Variants in RUNX1 observed in about 807,000 individuals in gnomAD.
The protein encoded by RUNX1 is runt-related transcription factor 1.
In RUNX1, 19 loss-of-function variants were observed where a neutral mutation model predicts 42.8. The ratio of observed to expected loss-of-function variants is 0.44; its 90% confidence interval spans 0.31 to 0.65. The LOEUF (loss-of-function observed/expected upper bound fraction) is 0.65. Ranked by LOEUF, RUNX1 falls within the 30% of genes least tolerant of loss-of-function variation. RUNX1 has a pLI of 0.07. For missense variants in RUNX1, 528 were observed against 672.0 expected (o/e 0.79, Z 2.37); for synonymous variants, 271 against 289.4 (o/e 0.94, Z 0.64).
intron 2 of RUNX1, among the ~76,000 whole-genome samples, chr21:34,938,089 G>T (rs1267891720): frequency 6.6e-6 from 1 of 152,124 alleles, no homozygotes; most frequent in Non-Finnish European, 1.5e-5. Flanking sequence ...TGATTAATAG[G>T]AGCAATTAAT....
chr21:35,040,845 G>A (rs546627343), intron 2 of RUNX1, among the ~76,000 whole-genome samples: 5 of 151,420 alleles, frequency 3.3e-5, no homozygotes, highest in East Asian at 1.9e-4. Context: ...AATACCCTGC[G>A]GTGTGTTCAG....
At chr21:34,986,264 A>G (rs2058886965) in intron 2 of RUNX1, among the ~76,000 whole-genome samples, 1 of 151,864 alleles carries the variant, frequency 6.6e-6, no homozygotes, top group African/African-American at 2.4e-5. Flanking sequence ...CTTTCCATCA[A>G]ATCACACTGG....
chr21:34,835,242 C>T (rs546010506), intron 6 of RUNX1, among the ~76,000 whole-genome samples: 70 of 152,274 alleles, frequency 4.6e-4, no homozygotes, highest in Non-Finnish European at 9.7e-4. Context: ...TTCCTTCTTC[C>T]CTGAAGCCGA....
intron 7 of RUNX1, among the ~76,000 whole-genome samples, chr21:34,817,207 G>C (rs1241364299): frequency 6.6e-6 from 1 of 152,186 alleles, no homozygotes; most frequent in Non-Finnish European, 1.5e-5. Flanking sequence ...AGTGTAGCCA[G>C]AAGTCCAGGT....
rs143128451 is a variant in RUNX1, at chr21:34,824,898, A to G, written c.805+9512T>C. Among the ~76,000 whole-genome samples the G allele has an allele frequency of 6.0e-4, 91 of 152,362 alleles. No homozygotes were observed. The East Asian group carries it at 0.017, about 28-fold the overall frequency. On this transcript the variant is annotated intron_variant, in intron 7 of 8. Coordinates refer to ENST00000675419, the MANE Select transcript of RUNX1 (RefSeq NM_001754.5). Reference sequence around the variant, plus strand: ...CAACTCAGTCTGGAGAACTATGCCTAATAAGAAAACCCAAGCAGTAGCTTT... The same window carrying G: ...CAACTCAGTCTGGAGAACTATGCCTGATAAGAAAACCCAAGCAGTAGCTTT...
At chr21:35,034,404 T>C (rs1290340355) in intron 2 of RUNX1, among the ~76,000 whole-genome samples, 2 of 151,864 alleles carry the variant, frequency 1.3e-5, no homozygotes, top group Non-Finnish European at 2.9e-5. Flanking sequence ...TGGGGTGGGG[T>C]AGAGGTCAAA....
intron 6 of RUNX1, among the ~76,000 whole-genome samples, chr21:34,836,055 T>C (rs915441084): frequency 2.6e-5 from 4 of 152,226 alleles, no homozygotes; most frequent in Non-Finnish European, 5.9e-5. Flanking sequence ...GCCCACTATA[T>C]TGCAGTGATT....
intron 4 of RUNX1, among the ~76,000 whole-genome samples, chr21:34,881,184 G>A (rs1367425761): frequency 1.3e-5 from 2 of 152,116 alleles, no homozygotes; most frequent in Non-Finnish European, 2.9e-5. Context: ...AACATCCTGT[G>A]TTTGTAAGTT....
At chr21:34,855,332 G>A (rs1171808206) in intron 6 of RUNX1, among the ~76,000 whole-genome samples, 3 of 152,126 alleles carry the variant, frequency 2.0e-5, no homozygotes, top group Non-Finnish European at 4.4e-5. Context: ...TATTAGCATA[G>A]AGACACCTAA....
chr21:34,948,279 A>G (rs76436004), intron 2 of RUNX1, among the ~76,000 whole-genome samples: 2,555 of 152,258 alleles, frequency 0.017, 66 homozygotes, highest in African/African-American at 0.057. Context: ...GCCAACGTGC[A>G]CCTAACCTGA....
chr21:35,003,519 CTT>C (rs58218340), intron 2 of RUNX1, among the ~76,000 whole-genome samples: 10,789 of 141,774 alleles, frequency 0.076, 434 homozygotes, highest in Middle Eastern at 0.1. Flanking sequence ...GAAAAGCTGT[CTT>C]TTTTTTTTTA....
intron 6 of RUNX1, among the ~76,000 whole-genome samples, chr21:34,852,081 T>C (rs1430814905): frequency 1.3e-5 from 2 of 151,964 alleles, no homozygotes; most frequent in Admixed American, 6.6e-5. Flanking sequence ...GGCAGGAAAA[T>C]TGCTTGAACC....
In RUNX1 at chr21:34,791,827, A is replaced by G. The variant is rs1377080431; in HGVS notation, c.*308T>C. 1 of 234,186 alleles carries G rather than the reference A, an allele frequency of 4.3e-6. No individual in the cohort carries two copies. Among genetic ancestry groups the G allele is most frequent in the East Asian group, 6.1e-5 (1 of 16,354 alleles). The allele number at this position is 234,186 out of a possible 1,614,324, so 14.5% of individuals were successfully genotyped here. On this transcript the variant is annotated 3_prime_UTR_variant, in exon 9 of 9. Coordinates refer to ENST00000675419, the MANE Select transcript of RUNX1 (RefSeq NM_001754.5). ...AAGCATTCACAGTTTCCCTCCGGGAATCTTCCTGTTTGCTTTCCAGCGCGT... is the reference window on the plus strand; with the variant it reads ...AAGCATTCACAGTTTCCCTCCGGGAGTCTTCCTGTTTGCTTTCCAGCGCGT...
chr21:34,970,122 A>G (rs2058752224), intron 2 of RUNX1, among the ~76,000 whole-genome samples: 1 of 152,246 alleles, frequency 6.6e-6, no homozygotes. Context: ...GGTATTTAAC[A>G]CTTTTTCATG....
chr21:35,042,549 T>TA (rs2059366690), intron 2 of RUNX1, among the ~76,000 whole-genome samples: 2 of 152,214 alleles, frequency 1.3e-5, no homozygotes, highest in Admixed American at 1.3e-4. Flanking sequence ...GACCTAGTTG[T>TA]GGCCTAAGCA....
chr21:34,834,402 G>T lies in RUNX1; in HGVS notation c.805+8C>A. ...AGAGGCGGGCAGTGGGCTCCATCTGGTACTTACCCTGCATCTGACTCTGAG... is the reference window on the plus strand; with the variant it reads ...AGAGGCGGGCAGTGGGCTCCATCTGTTACTTACCCTGCATCTGACTCTGAG... On this transcript the variant is annotated splice_region_variant and intron_variant, in intron 7 of 8. Transcript: ENST00000675419. The T allele has an allele frequency of 6.2e-7, 1 of 1,610,774 alleles. No individual in the cohort carries two copies. The highest frequency in any genetic ancestry group is 8.5e-7 in the Non-Finnish European group (1 of 1,177,324).
At chr21:34,822,665 G>A (rs1248353518) in intron 7 of RUNX1, among the ~76,000 whole-genome samples, 1 of 152,232 alleles carries the variant, frequency 6.6e-6, no homozygotes, top group Non-Finnish European at 1.5e-5. Flanking sequence ...GCCTTGAGAT[G>A]AGAGAGCTAA....
intron 2 of RUNX1, among the ~76,000 whole-genome samples, chr21:34,965,178 A>G (rs1392205914): frequency 8.2e-6 from 1 of 122,434 alleles, no homozygotes; most frequent in Non-Finnish European, 1.8e-5. Flanking sequence ...ACATATGCAC[A>G]CATACTCATA....
chr21:34,821,664 T>G (rs1161661445), intron 7 of RUNX1: 1 of 1,572,602 alleles, frequency 6.4e-7, no homozygotes. Context: ...AACTGACTTC[T>G]GCCTTAACAT....
Sources: allele counts gnomAD v4.1 joint callset (sites outside exome capture counted in the v4.1 genomes callset), GRCh38; gene constraint gnomAD v4.1.1; transcripts MANE v1.5; gene names NCBI Gene and HGNC (gene_info 2026-07-23, HGNC 2026-07-21).